OR1J2: variants seen among roughly 807,000 people sequenced by gnomAD.
OR1J2 encodes the protein olfactory receptor 1J2.
For synonymous variants in OR1J2, 142 were observed against 99.7 expected (o/e 1.42, Z -2.52); for missense variants, 304 against 246.1 (o/e 1.24, Z -1.57).
the OR1J2 span, among the ~76,000 whole-genome samples, chr9:122,488,375 G>A: frequency 2.6e-5 from 4 of 152,160 alleles, no homozygotes; most frequent in African/African-American, 9.7e-5. Flanking sequence ...CTGAGCTCAG[G>A]TGATCTGCCC....
the OR1J2 span, among the ~76,000 whole-genome samples, chr9:122,551,622 A>C: frequency 1.3e-5 from 2 of 152,076 alleles, no homozygotes; most frequent in Non-Finnish European, 2.9e-5. Context: ...CATTGCCAGC[A>C]AGAGGCTTCA....
At chr9:122,519,182 C>G in the OR1J2 span, 1 of 1,613,326 alleles carries the variant, frequency 6.2e-7, no homozygotes, top group Non-Finnish European at 8.5e-7. Flanking sequence ...AGTTCCTCCT[C>G]CTGGACCTCC....
At chr9:122,542,099 T>TTTGG in the OR1J2 span, among the ~76,000 whole-genome samples, 2 of 152,218 alleles carry the variant, frequency 1.3e-5, no homozygotes, top group Non-Finnish European at 2.9e-5. Flanking sequence ...AACTCTTGTA[T>TTTGG]TTGGCTTCTT....
chr9:122,472,821 C>A, the OR1J2 span, among the ~76,000 whole-genome samples: 3 of 152,098 alleles, frequency 2.0e-5, no homozygotes, highest in South Asian at 2.1e-4. Context: ...TGTTAACCAA[C>A]CTTTGTGCTG....
At chr9:122,455,355 T>G in the OR1J2 span, among the ~76,000 whole-genome samples, 2 of 152,234 alleles carry the variant, frequency 1.3e-5, no homozygotes, top group African/African-American at 4.8e-5. Flanking sequence ...TTTTAATTTC[T>G]TTGAACTATT....
At chr9:122,452,084 TG>T in the OR1J2 span, among the ~76,000 whole-genome samples, 1 of 152,124 alleles carries the variant, frequency 6.6e-6, no homozygotes, top group Admixed American at 6.5e-5. Flanking sequence ...TTCACCGTGT[TG>T]GCCAGGATGG....
downstream of OR1J2, among the ~76,000 whole-genome samples, chr9:122,512,824 A>T (rs1046480480): frequency 6.6e-6 from 1 of 152,202 alleles, no homozygotes; most frequent in Non-Finnish European, 1.5e-5. Flanking sequence ...TCAGTGTGCC[A>T]TGTAACTTTT....
the OR1J2 span, among the ~76,000 whole-genome samples, chr9:122,545,743 C>T: frequency 6.6e-6 from 1 of 152,118 alleles, no homozygotes; most frequent in East Asian, 1.9e-4. Context: ...CAGAATTCTA[C>T]TTCTATATTC....
the OR1J2 span, among the ~76,000 whole-genome samples, chr9:122,501,192 T>C: frequency 3.9e-5 from 6 of 152,192 alleles, no homozygotes; most frequent in Non-Finnish European, 2.9e-5. Flanking sequence ...ATAATCATGT[T>C]TTTCTTTTAT....
the OR1J2 span, among the ~76,000 whole-genome samples, chr9:122,543,204 T>G: frequency 6.6e-6 from 1 of 152,176 alleles, no homozygotes; most frequent in Non-Finnish European, 1.5e-5. Flanking sequence ...GTTGCTCATA[T>G]TTTTGTTATT....
chr9:122,528,538 C>T, the OR1J2 span, among the ~76,000 whole-genome samples: 1 of 152,170 alleles, frequency 6.6e-6, no homozygotes, highest in Admixed American at 6.5e-5. Flanking sequence ...TTGGAGGTTG[C>T]AGTGAGCCGA....
chr9:122,547,465 G>A, the OR1J2 span, among the ~76,000 whole-genome samples: 1 of 152,222 alleles, frequency 6.6e-6, no homozygotes, highest in Admixed American at 6.5e-5. Flanking sequence ...TGGGCTTTTA[G>A]TGTAACTATC....
At chr9:122,521,422 A>G in the OR1J2 span, among the ~76,000 whole-genome samples, 43 of 152,224 alleles carry the variant, frequency 2.8e-4, no homozygotes, top group African/African-American at 1.0e-3. Flanking sequence ...ATGTGTGGGT[A>G]GGTAAGGAAA....
At chr9:122,552,281 C>T in the OR1J2 span, among the ~76,000 whole-genome samples, 1 of 152,162 alleles carries the variant, frequency 6.6e-6, no homozygotes, top group Non-Finnish European at 1.5e-5. Context: ...CTCCTACCAG[C>T]TCACTAGGGC....
At chr9:122,495,972 G>C in the OR1J2 span, among the ~76,000 whole-genome samples, 4 of 152,172 alleles carry the variant, frequency 2.6e-5, no homozygotes, top group African/African-American at 7.2e-5. Context: ...GTTTAGCCAT[G>C]CAGTGGAGCT....
downstream of OR1J2, among the ~76,000 whole-genome samples, chr9:122,512,681 C>T (rs1828654251): frequency 6.6e-6 from 1 of 152,136 alleles, no homozygotes; most frequent in Non-Finnish European, 1.5e-5. Flanking sequence ...TAGAAATACC[C>T]AGCTACTCCA....
At chr9:122,504,567 A>G in the OR1J2 span, among the ~76,000 whole-genome samples, 1 of 152,144 alleles carries the variant, frequency 6.6e-6, no homozygotes, top group Non-Finnish European at 1.5e-5. Flanking sequence ...GAGGTGTGAG[A>G]TATAATAACT....
the OR1J2 span, among the ~76,000 whole-genome samples, chr9:122,474,491 G>C: frequency 1.9e-4 from 29 of 152,174 alleles, no homozygotes; most frequent in Non-Finnish European, 3.7e-4. Flanking sequence ...CTGGCTACAG[G>C]CTAGTTGATC....
At chr9:122,531,210 G>A in the OR1J2 span, among the ~76,000 whole-genome samples, 1 of 152,088 alleles carries the variant, frequency 6.6e-6, no homozygotes, top group African/African-American at 2.4e-5. Context: ...TGATATTGTG[G>A]GGTTGTTAGA....
Sources: gnomAD v4.1 joint callset for allele counts (sites outside exome capture counted in the v4.1 genomes callset) on GRCh38, gnomAD v4.1.1 for gene constraint, MANE v1.5 for transcripts, NCBI Gene and HGNC (gene_info 2026-07-23, HGNC 2026-07-21) for gene names.